NMS: variants seen among roughly 807,000 people sequenced by gnomAD.
NMS encodes the protein neuromedin-S.
A neutral mutation model predicts 32.2 loss-of-function variants in NMS; 30 were observed. That is an observed-to-expected ratio of 0.93 (90% confidence interval 0.70 to 1.26). The LOEUF (loss-of-function observed/expected upper bound fraction) is 1.26. Ranked by LOEUF, NMS falls within the 50% of genes most tolerant of loss-of-function variation. The pLI is 0.00. For missense variants in NMS, 190 were observed against 186.3 expected, an observed-to-expected ratio of 1.02 and a Z score of -0.12; for synonymous variants, 76 against 58.5, an observed-to-expected ratio of 1.30 and a Z score of -1.37.
intron 5 of NMS, among the ~76,000 whole-genome samples, chr2:100,478,808 T>C (rs1457410489): frequency 6.6e-6 from 1 of 152,084 alleles, no homozygotes; most frequent in African/African-American, 2.4e-5. Context: ...GAAAGAACAA[T>C]GGAAAACAAA....
chr2:100,480,397 A>C, intron 6 of NMS, 99 bp from the exon 7 acceptor site: 1 of 1,240,460 alleles, frequency 8.1e-7, no homozygotes, highest in Admixed American at 1.8e-5. Flanking sequence ...ACTTCTGACT[A>C]TCTTAGAAGC....
intron 3 of NMS, among the ~76,000 whole-genome samples, chr2:100,476,078 C>G (rs771335000): frequency 6.6e-6 from 1 of 151,476 alleles, no homozygotes; most frequent in Non-Finnish European, 1.5e-5. Flanking sequence ...TATTTAGCAC[C>G]AGGAAAAGCA....
intron 8 of NMS, among the ~76,000 whole-genome samples, chr2:100,481,808 C>G (rs1343376257): frequency 6.6e-6 from 1 of 152,244 alleles, no homozygotes; most frequent in Non-Finnish European, 1.5e-5. Context: ...GTAAGAAGTC[C>G]TGCAGAACAC....
chr2:100,479,111 C>T (rs1020840920), intron 5 of NMS, among the ~76,000 whole-genome samples: 16 of 152,146 alleles, frequency 1.1e-4, no homozygotes, highest in African/African-American at 3.9e-4. Context: ...GAGAAAAGTC[C>T]GATTTACCCT....
intron 8 of NMS, 57 bp downstream of exon 8, chr2:100,481,224 A>T (rs1307134469): frequency 6.6e-7 from 1 of 1,520,314 alleles, no homozygotes; most frequent in African/African-American, 1.4e-5. Flanking sequence ...AGCCATCCCA[A>T]TCATGGAGTG....
At position 100,482,126 on chromosome 2, in the gene NMS, G is replaced by A. The variant is rs969914165; in HGVS notation, c.415-151G>A. 328 of 738,132 alleles carry A rather than the reference G, an allele frequency of 4.4e-4. 1 individual carries two copies. Among genetic ancestry groups the A allele is most frequent in the Non-Finnish European group, 7.3e-4 (309 of 422,962 alleles). The allele number at this position is 738,132 out of a possible 1,614,324, so 45.7% of individuals were successfully genotyped here. A position where few individuals can be genotyped will look rare whatever the true frequency, so the allele number is the denominator to read the frequency against. On this transcript the variant is annotated intron_variant, in intron 8 of 9. Transcript: ENST00000376865. ...CTACGGACTAGCGCTAGCACAGGGC[G>A]AGGGCTTCCCAGGTGAGTCCCCATG...
At chr2:100,472,121 C>G (rs572889072) in intron 1 of NMS, among the ~76,000 whole-genome samples, 20 of 152,320 alleles carry the variant, frequency 1.3e-4, no homozygotes, top group South Asian at 1.2e-3. Flanking sequence ...GCCATACATT[C>G]CCTGTTCCAC....
Position 100,479,435 on chromosome 2 carries a change from C to T in NMS, c.336+8C>T, listed in dbSNP as rs1377118988. The T allele has an allele frequency of 3.7e-6, 6 of 1,606,796 alleles. No individual in the cohort carries two copies. The African/African-American group carries it at 8.0e-5, about 22-fold the overall frequency. On this transcript the variant is annotated splice_region_variant and intron_variant, in intron 6 of 9. Coordinates refer to ENST00000376865, the MANE Select transcript of NMS (RefSeq NM_001011717.1). ...AAGAGAATTCTGCAGCGAGTACGTGCTTTTATTCTTCCACCATAGTTTATG... is the reference window on the plus strand; with the variant it reads ...AAGAGAATTCTGCAGCGAGTACGTGTTTTTATTCTTCCACCATAGTTTATG...
intron 8 of NMS, 40 bp from the exon 9 acceptor site, chr2:100,482,237 T>C (rs752514913): frequency 6.3e-7 from 1 of 1,599,796 alleles, no homozygotes; most frequent in Non-Finnish European, 8.6e-7. Flanking sequence ...CTGCAGAAAG[T>C]TGTGTCTCAG....
At chr2:100,475,998 C>CAAA (rs1677102741) in intron 3 of NMS, among the ~76,000 whole-genome samples, 1 of 80,616 alleles carries the variant, frequency 1.2e-5, no homozygotes, top group Non-Finnish European at 2.5e-5. Context: ...GACCCTATCT[C>CAAA]CAAAAAAAAA....
At chr2:100,476,748 G>T (rs1573235515) in intron 3 of NMS, among the ~76,000 whole-genome samples, 1 of 152,302 alleles carries the variant, frequency 6.6e-6, no homozygotes, top group Non-Finnish European at 1.5e-5. Flanking sequence ...ACGCAAGCCA[G>T]GGCTGAGGTG....
chr2:100,473,961 TGAGGCCAG>T (rs2104332045), intron 3 of NMS, among the ~76,000 whole-genome samples: 1 of 152,206 alleles, frequency 6.6e-6, no homozygotes, highest in South Asian at 2.1e-4. Flanking sequence ...GCAGATCACT[TGAGGCCAG>T]GAGCTTGAGT....
At chr2:100,480,952 A>G (rs1278329974) in intron 7 of NMS, among the ~76,000 whole-genome samples, 174 bp from the exon 8 acceptor site, 1 of 152,108 alleles carries the variant, frequency 6.6e-6, no homozygotes, top group East Asian at 1.9e-4. Flanking sequence ...CCCACCCCCA[A>G]AGATTCAGTG....
chr2:100,482,960 T>C (rs1677248761), intron 9 of NMS, among the ~76,000 whole-genome samples: 3 of 152,144 alleles, frequency 2.0e-5, no homozygotes, highest in African/African-American at 7.2e-5. Context: ...GTCCCAGCAG[T>C]CCAAGGCGTC....
At chr2:100,479,169 G>T (rs970648695) in intron 5 of NMS, among the ~76,000 whole-genome samples, 184 bp from the exon 6 acceptor site, 7 of 152,170 alleles carry the variant, frequency 4.6e-5, no homozygotes, top group Admixed American at 3.9e-4. Flanking sequence ...CTGTTCTCAC[G>T]GCAAGCGGCT....
intron 6 of NMS, among the ~76,000 whole-genome samples, chr2:100,480,053 T>C (rs1677187172): frequency 6.6e-6 from 1 of 152,200 alleles, no homozygotes; most frequent in Non-Finnish European, 1.5e-5. Flanking sequence ...GGAAAACTGG[T>C]TGGCCATCCT....
intron 3 of NMS, 79 bp from the exon 4 acceptor site, chr2:100,477,165 G>T (rs1344881059): frequency 1.7e-6 from 2 of 1,197,638 alleles, no homozygotes; most frequent in African/African-American, 3.0e-5. Flanking sequence ...GGTCCATGGT[G>T]TACCTTATAC....
rs1249082998 is a variant in NMS at position 100,479,774 on chromosome 2, C to A, written c.336+347C>A. Among the ~76,000 whole-genome samples, 3 of 152,196 alleles carry A rather than the reference C, an allele frequency of 2.0e-5. 1 individual carries two copies. Among genetic ancestry groups the A allele is most frequent in the South Asian group, 4.1e-4 (2 of 4,832 alleles). The stretch of plus-strand genomic sequence containing the variant: ...TTTCTCCTGACACGAAACGCCCTGG[C>A]GATATCTTCTGCTTCCCATTGCCCT... On this transcript the variant is annotated intron_variant, in intron 6 of 9. Coordinates refer to ENST00000376865, the MANE Select transcript of NMS (RefSeq NM_001011717.1).
At chr2:100,474,217 T>G (rs1300797953) in intron 3 of NMS, among the ~76,000 whole-genome samples, 1 of 152,086 alleles carries the variant, frequency 6.6e-6, no homozygotes, top group African/African-American at 2.4e-5. Flanking sequence ...ACACAAATAT[T>G]TCAATGGATA....
Sources: gnomAD v4.1 joint callset for allele counts (sites outside exome capture counted in the v4.1 genomes callset) on GRCh38, gnomAD v4.1.1 for gene constraint, MANE v1.5 for transcripts, NCBI Gene and HGNC (gene_info 2026-07-23, HGNC 2026-07-21) for gene names.